The following CTNND2 variants were observed in gnomAD, a reference collection of about 807,000 sequenced individuals.
CTNND2 encodes the protein catenin delta 2.
CTNND2 carries 22 observed loss-of-function variants against 144.4 expected under a neutral mutation model. That is an observed-to-expected ratio of 0.15 (90% CI 0.11 to 0.22). The LOEUF is 0.22. Ranked by LOEUF, CTNND2 falls within the 10% of genes least tolerant of loss-of-function variation. The pLI is 1.00. For synonymous variants in CTNND2, 751 were observed against 695.6 expected, an observed-to-expected ratio of 1.08 and a Z score of -1.25; for missense variants, 1,353 against 1,618.8, an observed-to-expected ratio of 0.84 and a Z score of 2.82.
chr5:11,719,876 A>ACACACCCCCC (rs1016017967), intron 2 of CTNND2, among the ~76,000 whole-genome samples: 3 of 144,196 alleles, frequency 2.1e-5, no homozygotes, highest in African/African-American at 8.0e-5. Context: ...ACACACACAC[A>ACACACCCCCC]CCACAGATCC....
chr5:11,369,751 A>G (rs752745654), intron 7 of CTNND2, among the ~76,000 whole-genome samples: 1 of 152,060 alleles, frequency 6.6e-6, no homozygotes, highest in Non-Finnish European at 1.5e-5. Flanking sequence ...GAAAAGAGAT[A>G]AAGTGTCAGG....
intron 1 of CTNND2, among the ~76,000 whole-genome samples, chr5:11,741,954 A>G (rs1207736853): frequency 6.6e-6 from 1 of 151,850 alleles, no homozygotes; most frequent in Non-Finnish European, 1.5e-5. Flanking sequence ...TCAGGAATGG[A>G]AAACCAAACA....
At chr5:11,861,138 T>A (rs755657060) in intron 1 of CTNND2, among the ~76,000 whole-genome samples, 1 of 152,172 alleles carries the variant, frequency 6.6e-6, no homozygotes, top group Non-Finnish European at 1.5e-5. Flanking sequence ...TACTGCATGA[T>A]CACCAGTGTA....
chr5:11,252,536 T>C (rs1743771156), intron 9 of CTNND2, among the ~76,000 whole-genome samples: 3 of 152,228 alleles, frequency 2.0e-5, no homozygotes, highest in Admixed American at 2.0e-4. Flanking sequence ...AAGGAGCATG[T>C]TCTGTGTTGC....
At chr5:11,094,202 G>A (rs771080088) in intron 15 of CTNND2, among the ~76,000 whole-genome samples, 2 of 152,112 alleles carry the variant, frequency 1.3e-5, no homozygotes, top group South Asian at 4.1e-4. Flanking sequence ...GACATCCTAA[G>A]AGGCAAAATC....
chr5:11,811,065 T>C (rs189648164), intron 1 of CTNND2, among the ~76,000 whole-genome samples: 2 of 152,290 alleles, frequency 1.3e-5, no homozygotes, highest in African/African-American at 4.8e-5. Flanking sequence ...ACTCTACCTA[T>C]ATAGGATTTT....
intron 20 of CTNND2, among the ~76,000 whole-genome samples, chr5:10,987,476 C>T (rs988358667): frequency 1.3e-4 from 20 of 152,090 alleles, no homozygotes; most frequent in South Asian, 2.1e-4. Flanking sequence ...GGATGACGAG[C>T]GTGAAAGATG....
chr5:11,170,889 G>A (rs939420146), intron 11 of CTNND2, among the ~76,000 whole-genome samples: 17 of 152,146 alleles, frequency 1.1e-4, no homozygotes, highest in Non-Finnish European at 2.4e-4. Flanking sequence ...GCAAAGGGTC[G>A]TATAACATGG....
chr5:11,794,351 G>T (rs1233387120), intron 1 of CTNND2, among the ~76,000 whole-genome samples: 1 of 152,152 alleles, frequency 6.6e-6, no homozygotes, highest in African/African-American at 2.4e-5. Context: ...AGAAAAAATG[G>T]TGTATCAACG....
At chr5:11,138,435 GTGT>G (rs1756371889) in intron 12 of CTNND2, among the ~76,000 whole-genome samples, 1 of 152,214 alleles carries the variant, frequency 6.6e-6, no homozygotes. Context: ...CTATTTGTAA[GTGT>G]TGTAAATGCA....
chr5:11,038,192 C>G (rs575134729), intron 16 of CTNND2, among the ~76,000 whole-genome samples: 1 of 152,276 alleles, frequency 6.6e-6, no homozygotes, highest in South Asian at 2.1e-4. Flanking sequence ...TAGCTTAGGG[C>G]AGGGGTCCCC....
chr5:11,879,844 G>C (rs1250901769), intron 1 of CTNND2, among the ~76,000 whole-genome samples: 1 of 152,118 alleles, frequency 6.6e-6, no homozygotes, highest in Non-Finnish European at 1.5e-5. Context: ...CATCCTCTGG[G>C]CATATGGAAG....
chr5:11,031,729 G>C (rs754823639), intron 16 of CTNND2, among the ~76,000 whole-genome samples: 2 of 152,114 alleles, frequency 1.3e-5, no homozygotes, highest in Non-Finnish European at 2.9e-5. Flanking sequence ...AAAGCAGGTG[G>C]AAAAAGGTGT....
chr5:11,149,347 G>A (rs990247789), intron 12 of CTNND2, among the ~76,000 whole-genome samples: 1 of 152,156 alleles, frequency 6.6e-6, no homozygotes, highest in Admixed American at 6.5e-5. Context: ...AATAAGGGCA[G>A]GCAACATGTA....
intron 16 of CTNND2, among the ~76,000 whole-genome samples, chr5:11,054,696 A>T (rs1481193095): frequency 6.6e-6 from 1 of 152,086 alleles, no homozygotes; most frequent in East Asian, 1.9e-4. Context: ...GCGAAAGTTG[A>T]AGGCTTGCTA....
chr5:11,443,253 C>CTGTGTGTGG (rs1480809812), intron 3 of CTNND2, among the ~76,000 whole-genome samples: 1 of 65,578 alleles, frequency 1.5e-5, no homozygotes, highest in African/African-American at 6.1e-5. Context: ...TGTGTGTGTG[C>CTGTGTGTGG]TGTGTGTGGT....
intron 1 of CTNND2, among the ~76,000 whole-genome samples, chr5:11,902,826 A>C (rs1487327968): frequency 2.6e-5 from 4 of 152,054 alleles, no homozygotes; most frequent in East Asian, 1.9e-4. Context: ...CTGCCCCTCT[A>C]TCTCTCATCT....
chr5:11,170,052 C>T (rs16901340), intron 11 of CTNND2, among the ~76,000 whole-genome samples: 4,477 of 152,238 alleles, frequency 0.029, 157 homozygotes, highest in East Asian at 0.089. Context: ...CTTGTGTAAA[C>T]CTTCAACCAA....
At chr5:11,758,575 A>C (rs1466127412) in intron 1 of CTNND2, among the ~76,000 whole-genome samples, 1 of 152,020 alleles carries the variant, frequency 6.6e-6, no homozygotes, top group African/African-American at 2.4e-5. Flanking sequence ...TTATCTTCCA[A>C]GAGACCATGC....
Sources: allele counts gnomAD v4.1 joint callset (sites outside exome capture counted in the v4.1 genomes callset), GRCh38; gene constraint gnomAD v4.1.1; transcripts MANE v1.5; gene names NCBI Gene and HGNC (gene_info 2026-07-23, HGNC 2026-07-21).